GCN1: variants seen among roughly 807,000 people sequenced by gnomAD.
GCN1 encodes the protein GCN1 activator of EIF2AK4, also known as stalled ribosome sensor GCN1.
Under a neutral mutation model 288.4 loss-of-function variants are expected in GCN1, and 90 were observed. That is an observed-to-expected ratio of 0.31 (90% confidence interval 0.26 to 0.37). The LOEUF (loss-of-function observed/expected upper bound fraction) is 0.37. Among genes scored for constraint, GCN1 ranks in the 10% least tolerant of loss-of-function variants. The pLI is 1.00. For synonymous variants in GCN1, 1,386 were observed against 1,420.2 expected (o/e 0.98, Z 0.54); for missense variants, 2,586 against 3,419.9 (o/e 0.76, Z 6.08).
chr12:120,193,493 C>T (rs1421994029), intron 1 of GCN1, among the ~76,000 whole-genome samples: 1 of 152,064 alleles, frequency 6.6e-6, no homozygotes, highest in African/African-American at 2.4e-5. Context: ...TTAGTAGAGA[C>T]GGGGTTTTGC....
intron 42 of GCN1, among the ~76,000 whole-genome samples, chr12:120,143,459 G>C (rs1877261294): frequency 6.6e-6 from 1 of 152,170 alleles, no homozygotes; most frequent in African/African-American, 2.4e-5. Flanking sequence ...GCAGGTGCCT[G>C]TAATCCCAGC....
intron 1 of GCN1, 58 bp downstream of exon 1, chr12:120,194,622 A>T: frequency 6.8e-7 from 1 of 1,479,920 alleles, no homozygotes; most frequent in African/African-American, 1.4e-5. Flanking sequence ...GCCCCGCCCG[A>T]CGGCCACCGT....
chr12:120,154,990 A>G lies in GCN1; in HGVS notation c.3681T>C (p.Pro1227=). ...TATACCTGGCTTCCCACTGATCTGG[A>G]GGAGATTCTGAAATAACTCGTCCCA... ...DALGRVISES[P]PDQWEARCGL... The change falls in exon 31 of 58, where the codon CCT becomes CCC. Residue 1227 remains proline (P), a synonymous_variant. Transcript: ENST00000300648. The G allele has an allele frequency of 6.2e-7, 1 of 1,613,754 alleles. No individual in the cohort carries two copies. Among genetic ancestry groups the G allele is most frequent in the Non-Finnish European group, 8.5e-7 (1 of 1,179,634 alleles).
intron 26 of GCN1, chr12:120,157,252 A>G: frequency 2.2e-6 from 1 of 452,002 alleles, no homozygotes; most frequent in Non-Finnish European, 4.0e-6. Flanking sequence ...TAAATATATG[A>G]AGAGACACTC....
Position 120,129,407 on chromosome 12 carries a change from G to T in GCN1, c.7759C>A (p.Pro2587Thr). 1 of 1,613,638 alleles carries T rather than the reference G, an allele frequency of 6.2e-7. No individual in the cohort carries two copies. Among genetic ancestry groups the T allele is most frequent in the Non-Finnish European group, 8.5e-7 (1 of 1,179,548 alleles). Residue 2587 changes from proline (P) to threonine (T), a missense_variant, in exon 57 of 58, where the codon CCC (proline) becomes ACC (threonine). Transcript: ENST00000300648. ...ANKDPLPPLD[P>T]QAIKPILKAL... Reference sequence around the variant, plus strand: ...TTCAGGATGGGCTTGATGGCCTGGGGGTCCAGGGGAGGCAGTGGGTCCTTA... The same window carrying T: ...TTCAGGATGGGCTTGATGGCCTGGGTGTCCAGGGGAGGCAGTGGGTCCTTA...
rs1013573481 is a variant in GCN1 at position 120,144,193 on chromosome 12, C to G, written c.5495+113G>C. 3 of 1,186,872 alleles carry G rather than the reference C, an allele frequency of 2.5e-6. No homozygotes were observed. Among genetic ancestry groups the G allele is most frequent in the African/African-American group, 1.5e-5 (1 of 65,466 alleles). 73.5% of individuals were successfully genotyped at this position (1,186,872 alleles called of 1,614,324 possible). A position where few individuals can be genotyped will look rare whatever the true frequency, so the allele number is the denominator to read the frequency against. On this transcript the variant is annotated intron_variant, in intron 42 of 57. Transcript: ENST00000300648. This position sits in a 1 kb window ranked among gnomAD's most constrained non-coding sequence, Gnocchi z 4.7. ...GTCTCACTATGTTGCCAGGGCTCAT[C>G]GTAAACTCCTGGGTTTAAGCAATCC...
intron 36 of GCN1, among the ~76,000 whole-genome samples, chr12:120,148,748 G>A (rs750941096): frequency 6.6e-6 from 1 of 152,174 alleles, no homozygotes; most frequent in Non-Finnish European, 1.5e-5. Context: ...GAGTGGGAGG[G>A]CCTTAGATGG....
intron 54 of GCN1, 84 bp from the exon 55 acceptor site, chr12:120,131,417 G>A: frequency 7.4e-7 from 1 of 1,345,406 alleles, no homozygotes; most frequent in Non-Finnish European, 1.0e-6. Context: ...CCACCCCGCT[G>A]GAGACCAGTG....
At chr12:120,187,908 A>C (rs921854736) in intron 2 of GCN1, among the ~76,000 whole-genome samples, 4 of 152,004 alleles carry the variant, frequency 2.6e-5, no homozygotes, top group African/African-American at 7.3e-5. Flanking sequence ...AAAACAAAAA[A>C]CTAGAATTTA....
chr12:120,159,767 G>A lies in GCN1; in HGVS notation c.2749+58C>T, dbSNP rs573779992. 155 of 1,461,476 alleles carry A rather than the reference G, an allele frequency of 1.1e-4. 3 individuals carry two copies. In the South Asian group the frequency reaches 1.6e-3, roughly 16 times the overall value. 90.5% of individuals were successfully genotyped at this position (1,461,476 alleles called of 1,614,324 possible). A position where few individuals can be genotyped will look rare whatever the true frequency, so the allele number is the denominator to read the frequency against. On this transcript the variant is annotated intron_variant, in intron 24 of 57. Transcript: ENST00000300648. ...CCACAAGCACTCAGGGGCACACCCT[G>A]TCCAAGCACTCAGGGGCACCCCTGG...
At chr12:120,188,208 C>T (rs761395418) in intron 2 of GCN1, among the ~76,000 whole-genome samples, 12 of 152,062 alleles carry the variant, frequency 7.9e-5, no homozygotes, top group Non-Finnish European at 1.5e-4. Context: ...CCAAGGCAGG[C>T]GGATAACCTG....
intron 14 of GCN1, among the ~76,000 whole-genome samples, chr12:120,170,866 A>T (rs1022627922): frequency 1.4e-5 from 2 of 144,434 alleles, no homozygotes; most frequent in African/African-American, 2.6e-5. Flanking sequence ...AAACTCTTTT[A>T]AAAAAAAAAG....
intron 18 of GCN1, 57 bp from the exon 19 acceptor site, chr12:120,163,316 A>G: frequency 7.1e-7 from 1 of 1,411,366 alleles, no homozygotes; most frequent in Non-Finnish European, 1.0e-6. Context: ...CTTGGAACAC[A>G]GGAACCAAAT....
At chr12:120,131,384 C>T (rs373418608) in intron 54 of GCN1, 51 bp from the exon 55 acceptor site, 3 of 1,594,100 alleles carry the variant, frequency 1.9e-6, no homozygotes, top group African/African-American at 2.7e-5. Context: ...AGCATGTCCC[C>T]AGCACCCATG....
intron 1 of GCN1, among the ~76,000 whole-genome samples, chr12:120,191,465 C>T (rs892579958): frequency 6.6e-6 from 1 of 152,202 alleles, no homozygotes; most frequent in Non-Finnish European, 1.5e-5. Context: ...AGCCGTAGAG[C>T]AGGGCATGAT....
intron 44 of GCN1, among the ~76,000 whole-genome samples, chr12:120,141,273 T>C (rs1043086221): frequency 6.6e-6 from 1 of 152,122 alleles, no homozygotes; most frequent in African/African-American, 2.4e-5. Flanking sequence ...ACCTTACACA[T>C]GTACAAAAAA....
chr12:120,149,235 G>A (rs1380556702), intron 36 of GCN1, among the ~76,000 whole-genome samples: 1 of 152,050 alleles, frequency 6.6e-6, no homozygotes, highest in African/African-American at 2.4e-5. Flanking sequence ...GCCAGAGGGA[G>A]AGCTGGCCAG....
intron 1 of GCN1, among the ~76,000 whole-genome samples, chr12:120,193,297 T>C (rs925134445): frequency 2.0e-5 from 3 of 152,076 alleles, no homozygotes; most frequent in Non-Finnish European, 4.4e-5. Context: ...CTGGTACAAG[T>C]GAAGAACTAA....
chr12:120,174,212 C>T (rs774487417), intron 12 of GCN1, 43 bp from the exon 13 acceptor site: 2 of 1,139,136 alleles, frequency 1.8e-6, no homozygotes, highest in Admixed American at 1.7e-5. Context: ...CAGCACAGAA[C>T]CACAGAGGCA....
Sources: allele counts gnomAD v4.1 joint callset (sites outside exome capture counted in the v4.1 genomes callset), GRCh38; gene constraint gnomAD v4.1.1; non-coding constraint Gnocchi (gnomAD v3.1); transcripts MANE v1.5; gene names NCBI Gene and HGNC (gene_info 2026-07-23, HGNC 2026-07-21).